The following CSMD1 variants were observed in gnomAD, a reference collection of about 807,000 sequenced individuals.
CSMD1 encodes the protein CUB and Sushi multiple domains 1.
CSMD1 carries 213 observed loss-of-function variants against 417.5 expected under a neutral mutation model. The ratio of observed to expected loss-of-function variants is 0.51; its 90% CI spans 0.46 to 0.57. CSMD1 has a LOEUF of 0.57. Among genes scored for constraint, CSMD1 ranks in the 20% least tolerant of loss-of-function variants. The pLI, the probability that CSMD1 is intolerant of heterozygous loss-of-function variation, is 0.00. For missense variants in CSMD1, 6,923 were observed against 4,529.7 expected, an observed-to-expected ratio of 1.53 and a Z score of -15.17; for synonymous variants, 2,862 against 1,736.8, an observed-to-expected ratio of 1.65 and a Z score of -16.11.
intron 26 of CSMD1, among the ~76,000 whole-genome samples, chr8:3,255,513 C>T (rs1800584899): frequency 6.6e-6 from 1 of 152,168 alleles, no homozygotes; most frequent in African/African-American, 2.4e-5. Flanking sequence ...TGGTGGGCTC[C>T]ACCCAGTTCG....
At chr8:3,959,356 G>C (rs567827549) in intron 5 of CSMD1, among the ~76,000 whole-genome samples, 1 of 152,232 alleles carries the variant, frequency 6.6e-6, no homozygotes, top group East Asian at 1.9e-4. Context: ...AAAATTAGCT[G>C]GGTGTGATGG....
intron 1 of CSMD1, among the ~76,000 whole-genome samples, chr8:4,797,734 A>T (rs1175917951): frequency 1.3e-5 from 2 of 152,244 alleles, no homozygotes; most frequent in Non-Finnish European, 2.9e-5. Flanking sequence ...GGATAGGTAC[A>T]TACAAATGTA....
At chr8:4,309,884 T>C (rs1209094577) in intron 3 of CSMD1, among the ~76,000 whole-genome samples, 5 of 152,204 alleles carry the variant, frequency 3.3e-5, no homozygotes, top group African/African-American at 9.7e-5. Context: ...TCAGAGGGTC[T>C]TACATGTGCT....
chr8:2,980,267 C>T (rs1009032896), intron 54 of CSMD1, among the ~76,000 whole-genome samples: 10 of 152,098 alleles, frequency 6.6e-5, no homozygotes, highest in African/African-American at 2.2e-4. Context: ...CGAGAGAAAC[C>T]AAATGGCCCC....
chr8:3,259,799 G>C (rs1240677430), intron 26 of CSMD1, among the ~76,000 whole-genome samples: 1 of 152,182 alleles, frequency 6.6e-6, no homozygotes, highest in Non-Finnish European at 1.5e-5. Flanking sequence ...TGGCCCATCA[G>C]CTAGTATTGT....
intron 49 of CSMD1, among the ~76,000 whole-genome samples, chr8:3,068,870 G>C (rs910566951): frequency 1.3e-5 from 2 of 151,946 alleles, no homozygotes; most frequent in African/African-American, 4.8e-5. Flanking sequence ...TTTGGGCAGG[G>C]ACAAATATCC....
At chr8:4,648,123 T>C (rs1481643705) in intron 1 of CSMD1, among the ~76,000 whole-genome samples, 1 of 152,246 alleles carries the variant, frequency 6.6e-6, no homozygotes, top group Admixed American at 6.5e-5. Context: ...TGGCATGAGA[T>C]GGCATCTCAC....
chr8:4,012,918 TC>T (rs1415659437), intron 4 of CSMD1, among the ~76,000 whole-genome samples: 13 of 152,002 alleles, frequency 8.6e-5, no homozygotes, highest in Non-Finnish European at 4.4e-5. Flanking sequence ...ATCAGCACCT[TC>T]TTTAAACAGC....
chr8:3,690,491 T>C (rs1023669538), intron 7 of CSMD1, among the ~76,000 whole-genome samples: 4 of 152,238 alleles, frequency 2.6e-5, no homozygotes, highest in African/African-American at 7.2e-5. Context: ...GGCAATACAA[T>C]GTCTGTACTA....
intron 41 of CSMD1, among the ~76,000 whole-genome samples, chr8:3,135,351 G>A (rs1260621091): frequency 6.6e-6 from 1 of 152,170 alleles, no homozygotes; most frequent in African/African-American, 2.4e-5. Flanking sequence ...CTGTTCCATG[G>A]CATATGTATT....
chr8:4,376,150 C>G (rs969711762), intron 3 of CSMD1, among the ~76,000 whole-genome samples: 4 of 152,196 alleles, frequency 2.6e-5, no homozygotes, highest in Admixed American at 2.6e-4. Flanking sequence ...ACTTTATGCT[C>G]TAACATCAAG....
chr8:2,998,626 C>T (rs528880974), intron 53 of CSMD1, among the ~76,000 whole-genome samples: 8 of 152,284 alleles, frequency 5.3e-5, no homozygotes, highest in Non-Finnish European at 1.0e-4. Flanking sequence ...TTTTTAATGT[C>T]CATGTATAAA....
chr8:3,615,258 G>A (rs908881051), intron 8 of CSMD1, among the ~76,000 whole-genome samples: 1 of 152,068 alleles, frequency 6.6e-6, no homozygotes, highest in Non-Finnish European at 1.5e-5. Flanking sequence ...GGTACAAAAG[G>A]TGAGGCCTGC....
intron 10 of CSMD1, among the ~76,000 whole-genome samples, chr8:3,534,167 C>A (rs1450282992): frequency 6.6e-6 from 1 of 152,128 alleles, no homozygotes; most frequent in Non-Finnish European, 1.5e-5. Context: ...TGAAGTAATT[C>A]CATCTCTTGG....
At chr8:4,104,976 T>G (rs368276998) in intron 3 of CSMD1, among the ~76,000 whole-genome samples, 23 of 144,434 alleles carry the variant, frequency 1.6e-4, no homozygotes, top group African/African-American at 5.6e-4. Context: ...TCGATCATAA[T>G]AGAACAGTTT....
intron 3 of CSMD1, among the ~76,000 whole-genome samples, chr8:4,076,742 A>T (rs527606693): frequency 6.6e-6 from 1 of 152,110 alleles, no homozygotes; most frequent in South Asian, 2.1e-4. Context: ...GCCCTGACCC[A>T]CCCTGGGGAA....
chr8:3,744,217 A>T (rs1796954610), intron 6 of CSMD1, among the ~76,000 whole-genome samples: 1 of 152,224 alleles, frequency 6.6e-6, no homozygotes, highest in Admixed American at 6.5e-5. Flanking sequence ...TGACGTGTTC[A>T]AGCCGCAGCA....
chr8:3,605,279 C>T (rs1387930084), intron 8 of CSMD1, among the ~76,000 whole-genome samples: 3 of 152,136 alleles, frequency 2.0e-5, no homozygotes, highest in Non-Finnish European at 4.4e-5. Context: ...CGTGCGCCAT[C>T]GCGCCCAGAT....
intron 5 of CSMD1, among the ~76,000 whole-genome samples, chr8:3,994,958 G>A (rs4493929): frequency 9.2e-5 from 14 of 152,140 alleles, no homozygotes; most frequent in African/African-American, 1.7e-4. Context: ...ACAGTCACTC[G>A]CACCACCCTC....
Sources: allele counts gnomAD v4.1 joint callset (sites outside exome capture counted in the v4.1 genomes callset), GRCh38; gene constraint gnomAD v4.1.1; transcripts MANE v1.5; gene names NCBI Gene and HGNC (gene_info 2026-07-23, HGNC 2026-07-21).